The following CLSTN2 variants were observed in gnomAD, a reference collection of about 807,000 sequenced individuals.
CLSTN2 encodes calsyntenin-2.
In CLSTN2, 48 loss-of-function variants were observed where a neutral mutation model predicts 101.2. The ratio of observed to expected loss-of-function variants is 0.47; its 90% confidence interval spans 0.38 to 0.60. The LOEUF (loss-of-function observed/expected upper bound fraction) is 0.60. Among genes scored for constraint, CLSTN2 ranks in the 20% least tolerant of loss-of-function variants. The probability of loss-of-function intolerance (pLI) is 0.00; values close to 1 mark genes in which losing one functional copy is unlikely to be tolerated. For synonymous variants in CLSTN2, 481 were observed against 463.6 expected (o/e 1.04, Z -0.48); for missense variants, 1,160 against 1,238.2 (o/e 0.94, Z 0.95).
intron 1 of CLSTN2, among the ~76,000 whole-genome samples, chr3:140,050,612 G>C (rs775507057): frequency 2.0e-5 from 3 of 152,190 alleles, no homozygotes; most frequent in Non-Finnish European, 4.4e-5. Flanking sequence ...CTGGGACCCA[G>C]CAGAGAGGAA....
At chr3:140,392,257 G>A (rs1474100283) in intron 2 of CLSTN2, among the ~76,000 whole-genome samples, 5 of 150,606 alleles carry the variant, frequency 3.3e-5, no homozygotes, top group Non-Finnish European at 7.4e-5. Flanking sequence ...AGTAATATAT[G>A]TTGTTTAACC....
intron 1 of CLSTN2, among the ~76,000 whole-genome samples, chr3:140,145,401 C>A (rs1040395848): frequency 5.9e-5 from 9 of 152,230 alleles, no homozygotes; most frequent in Admixed American, 5.9e-4. Flanking sequence ...ACAGGTCAAG[C>A]ACTCCGCCCG....
intron 1 of CLSTN2, among the ~76,000 whole-genome samples, chr3:140,141,678 C>A (rs2009699419): frequency 1.3e-5 from 2 of 152,318 alleles, no homozygotes; most frequent in Admixed American, 6.5e-5. Flanking sequence ...TCAGTTCCAG[C>A]ATCTTATGCT....
chr3:140,035,774 C>T (rs1007511587), intron 1 of CLSTN2, among the ~76,000 whole-genome samples: 2 of 152,198 alleles, frequency 1.3e-5, no homozygotes, highest in African/African-American at 2.4e-5. Flanking sequence ...TTTAGTATGG[C>T]TGTTAAGTCC....
At chr3:140,450,788 G>A (rs1933228138) in intron 6 of CLSTN2, among the ~76,000 whole-genome samples, 1 of 151,892 alleles carries the variant, frequency 6.6e-6, no homozygotes, top group African/African-American at 2.4e-5. Context: ...CTAACCCAAG[G>A]AACCAAGTAA....
chr3:140,252,086 G>T (rs577542204), intron 2 of CLSTN2, among the ~76,000 whole-genome samples: 2 of 152,128 alleles, frequency 1.3e-5, no homozygotes, highest in East Asian at 1.9e-4. Context: ...ACACGATGAG[G>T]CATGAACTTT....
intron 8 of CLSTN2, among the ~76,000 whole-genome samples, chr3:140,491,920 T>A (rs1190557460): frequency 1.3e-5 from 2 of 152,160 alleles, no homozygotes; most frequent in Admixed American, 1.3e-4. Context: ...AATACTTCCT[T>A]TGGGAGACTC....
intron 1 of CLSTN2, among the ~76,000 whole-genome samples, chr3:140,151,284 G>C (rs903251620): frequency 6.6e-6 from 1 of 152,064 alleles, no homozygotes; most frequent in African/African-American, 2.4e-5. Context: ...TTTGACCTAT[G>C]GAGGAAGGTC....
chr3:140,541,124 C>G (rs556823343), intron 9 of CLSTN2, among the ~76,000 whole-genome samples: 1 of 152,176 alleles, frequency 6.6e-6, no homozygotes, highest in Non-Finnish European at 1.5e-5. Flanking sequence ...CTTGAACCTT[C>G]CAAGCCACAT....
chr3:140,164,670 A>C (rs2010105453), intron 1 of CLSTN2, among the ~76,000 whole-genome samples: 1 of 152,170 alleles, frequency 6.6e-6, no homozygotes, highest in Non-Finnish European at 1.5e-5. Context: ...TGTAGAGACA[A>C]CTTAAAATTT....
chr3:140,448,407 T>C (rs991610521), intron 5 of CLSTN2, 112 bp from the exon 6 acceptor site: 1 of 849,012 alleles, frequency 1.2e-6, no homozygotes, highest in Non-Finnish European at 1.9e-6. Context: ...TAATATCTAA[T>C]ATATGTGTTG....
intron 1 of CLSTN2, among the ~76,000 whole-genome samples, chr3:140,141,782 G>A (rs960857458): frequency 6.6e-6 from 1 of 152,168 alleles, no homozygotes; most frequent in African/African-American, 2.4e-5. Flanking sequence ...GGTGCCCATG[G>A]TCTTTGCCTT....
At chr3:140,269,853 T>C (rs1472328876) in intron 2 of CLSTN2, among the ~76,000 whole-genome samples, 1 of 152,160 alleles carries the variant, frequency 6.6e-6, no homozygotes, top group Non-Finnish European at 1.5e-5. Context: ...CCCACCTAAG[T>C]TGTATAACCT....
intron 2 of CLSTN2, among the ~76,000 whole-genome samples, chr3:140,242,843 G>GT (rs1255677602): frequency 1.3e-5 from 2 of 152,186 alleles, no homozygotes; most frequent in African/African-American, 4.8e-5. Flanking sequence ...ACACTGCACC[G>GT]TTATGGCCTT....
At chr3:140,391,030 T>C (rs949254323) in intron 2 of CLSTN2, among the ~76,000 whole-genome samples, 17 of 152,192 alleles carry the variant, frequency 1.1e-4, no homozygotes, top group African/African-American at 4.1e-4. Flanking sequence ...CTGGTCTCGG[T>C]TCAAAAGGCT....
At chr3:140,290,059 A>G (rs575872862) in intron 2 of CLSTN2, among the ~76,000 whole-genome samples, 1 of 151,634 alleles carries the variant, frequency 6.6e-6, no homozygotes, top group Non-Finnish European at 1.5e-5. Context: ...AGGTAGAGAA[A>G]TAAGGATCAA....
intron 1 of CLSTN2, among the ~76,000 whole-genome samples, chr3:139,960,797 A>T (rs1576377282): frequency 6.6e-6 from 1 of 152,180 alleles, no homozygotes; most frequent in East Asian, 1.9e-4. Context: ...GACTCTTGAG[A>T]TAAGGGGGCA....
chr3:140,341,614 G>A (rs1314276666), intron 2 of CLSTN2, among the ~76,000 whole-genome samples: 1 of 152,156 alleles, frequency 6.6e-6, no homozygotes. Context: ...GAGGACAGTC[G>A]GCTTACACCT....
intron 2 of CLSTN2, among the ~76,000 whole-genome samples, chr3:140,301,800 C>T (rs2087061670): frequency 6.6e-6 from 1 of 152,214 alleles, no homozygotes; most frequent in Admixed American, 6.5e-5. Context: ...CAAGCAGCAA[C>T]TGCCCATCCC....
Sources: gnomAD v4.1 joint callset for allele counts (sites outside exome capture counted in the v4.1 genomes callset) on GRCh38, gnomAD v4.1.1 for gene constraint, MANE v1.5 for transcripts, NCBI Gene and HGNC (gene_info 2026-07-23, HGNC 2026-07-21) for gene names.